Variants in UNC13C observed in about 807,000 individuals in gnomAD.
UNC13C encodes protein unc-13 homolog C.
A neutral mutation model predicts 245.4 loss-of-function variants in UNC13C; 174 were observed. The ratio of observed to expected loss-of-function variants is 0.71; its 90% CI spans 0.63 to 0.80. The LOEUF is 0.80. UNC13C is among the 30% of genes least tolerant of loss of function. The probability of loss-of-function intolerance (pLI) is 0.00; values close to 1 mark genes in which losing one functional copy is unlikely to be tolerated. For synonymous variants in UNC13C, 992 were observed against 895.1 expected (o/e 1.11, Z -1.93); for missense variants, 2,829 against 2,602.9 (o/e 1.09, Z -1.89).
At chr15:54,565,287 A>C (rs1897461752) in intron 29 of UNC13C, among the ~76,000 whole-genome samples, 2 of 151,964 alleles carry the variant, frequency 1.3e-5, no homozygotes, top group Non-Finnish European at 2.9e-5. Flanking sequence ...TTTGCTTTAT[A>C]ATGTTAGCAT....
At chr15:54,259,206 T>G (rs146246634) in intron 8 of UNC13C, among the ~76,000 whole-genome samples, 1 of 152,366 alleles carries the variant, frequency 6.6e-6, no homozygotes, top group East Asian at 1.9e-4. Context: ...TATATGACTT[T>G]CAATGGGATG....
At chr15:54,130,111 T>A (rs2031318141) in intron 2 of UNC13C, among the ~76,000 whole-genome samples, 1 of 151,852 alleles carries the variant, frequency 6.6e-6, no homozygotes. Context: ...CCATTATGAT[T>A]TCTTTTCCTA....
chr15:54,395,952 TC>T (rs796930064), intron 18 of UNC13C, among the ~76,000 whole-genome samples: 8 of 151,834 alleles, frequency 5.3e-5, no homozygotes, highest in African/African-American at 1.7e-4. Flanking sequence ...AGTAATATTT[TC>T]TCAATTTTTA....
chr15:54,066,403 A>G (rs1325479344), intron 2 of UNC13C, among the ~76,000 whole-genome samples: 1 of 152,142 alleles, frequency 6.6e-6, no homozygotes, highest in Non-Finnish European at 1.5e-5. Flanking sequence ...TGTTTGTTAG[A>G]GTTAGTCCAT....
chr15:53,873,102 T>C, the UNC13C span, among the ~76,000 whole-genome samples: 123 of 151,324 alleles, frequency 8.1e-4, no homozygotes, highest in African/African-American at 2.9e-3. Flanking sequence ...ATAGATCCTT[T>C]GGTGTGTTGA....
chr15:54,400,694 T>G (rs2040163596), intron 18 of UNC13C, among the ~76,000 whole-genome samples: 1 of 152,198 alleles, frequency 6.6e-6, no homozygotes, highest in Non-Finnish European at 1.5e-5. Context: ...ATGGTTTCAT[T>G]TATTTATGAT....
intron 2 of UNC13C, among the ~76,000 whole-genome samples, chr15:54,051,895 A>G (rs1332343865): frequency 2.1e-4 from 29 of 136,986 alleles, no homozygotes; most frequent in African/African-American, 7.1e-4. Flanking sequence ...ATATCTCCCA[A>G]TGCTATCCCT....
At chr15:54,512,312 T>C (rs1204171497) in intron 24 of UNC13C, 3 of 455,714 alleles carry the variant, frequency 6.6e-6, no homozygotes, top group African/African-American at 6.0e-5. Flanking sequence ...TGTCATGTCT[T>C]TGTCCAACAT....
chr15:54,500,231 C>T, intron 21 of UNC13C, 56 bp downstream of exon 21: 2 of 1,238,640 alleles, frequency 1.6e-6, no homozygotes, highest in South Asian at 2.7e-5. Context: ...ACATTGCTTA[C>T]TTTTAACCTA....
chr15:54,399,299 T>C (rs1002486946), intron 18 of UNC13C, among the ~76,000 whole-genome samples: 2 of 151,712 alleles, frequency 1.3e-5, no homozygotes, highest in Non-Finnish European at 3.0e-5. Context: ...GACAATTGTA[T>C]ACATAGATAA....
intron 28 of UNC13C, 81 bp downstream of exon 28, chr15:54,549,772 A>G: frequency 1.2e-6 from 1 of 857,926 alleles, no homozygotes; most frequent in South Asian, 1.9e-5. Flanking sequence ...TCCTAGTAAT[A>G]GTATCTAGCA....
chr15:54,154,311 T>C (rs1458889166), intron 4 of UNC13C, among the ~76,000 whole-genome samples: 1 of 152,086 alleles, frequency 6.6e-6, no homozygotes, highest in Admixed American at 6.6e-5. Flanking sequence ...AATATTACAT[T>C]TTCCAATCCA....
At chr15:54,089,790 A>C (rs1899460716) in intron 2 of UNC13C, among the ~76,000 whole-genome samples, 3 of 152,130 alleles carry the variant, frequency 2.0e-5, no homozygotes, top group Admixed American at 2.0e-4. Flanking sequence ...ACACATGTAA[A>C]GTAACTCAGA....
chr15:54,393,249 C>G (rs1001987969), intron 18 of UNC13C, 68 bp downstream of exon 18: 2 of 1,344,074 alleles, frequency 1.5e-6, no homozygotes, highest in East Asian at 5.2e-5. Flanking sequence ...ATATTTTAAG[C>G]GCAACATATA....
At chr15:54,626,239 T>TCTAA (rs1161295330) in intron 32 of UNC13C, among the ~76,000 whole-genome samples, 8 of 152,202 alleles carry the variant, frequency 5.3e-5, no homozygotes, top group Non-Finnish European at 7.4e-5. Flanking sequence ...ACTTGACAGG[T>TCTAA]CTAACTGTTA....
At chr15:54,244,891 A>G (rs2035952036) in intron 7 of UNC13C, among the ~76,000 whole-genome samples, 1 of 152,178 alleles carries the variant, frequency 6.6e-6, no homozygotes, top group African/African-American at 2.4e-5. Flanking sequence ...AATTTTCTAA[A>G]TATAGGATTA....
chr15:54,164,079 C>G (rs1390692457), intron 4 of UNC13C, among the ~76,000 whole-genome samples: 1 of 151,956 alleles, frequency 6.6e-6, no homozygotes, highest in Non-Finnish European at 1.5e-5. Flanking sequence ...TTTTGCTTGA[C>G]TATAGTAACC....
chr15:54,364,657 A>G (rs890008702), intron 17 of UNC13C, among the ~76,000 whole-genome samples: 2 of 152,202 alleles, frequency 1.3e-5, no homozygotes, highest in African/African-American at 4.8e-5. Flanking sequence ...AAATCTAAAT[A>G]AGACATCCAA....
At chr15:54,048,147 A>G (rs1897119298) in intron 2 of UNC13C, among the ~76,000 whole-genome samples, 1 of 152,210 alleles carries the variant, frequency 6.6e-6, no homozygotes. Context: ...ATTTCAAAAT[A>G]CAAAACTTCT....
Sources: allele counts gnomAD v4.1 joint callset (sites outside exome capture counted in the v4.1 genomes callset), GRCh38; gene constraint gnomAD v4.1.1; transcripts MANE v1.5; gene names NCBI Gene and HGNC (gene_info 2026-07-23, HGNC 2026-07-21).